The following PLCB4 variants were observed in gnomAD, a reference collection of about 807,000 sequenced individuals.
PLCB4 encodes the protein 1-phosphatidylinositol 4,5-bisphosphate phosphodiesterase beta-4.
In PLCB4, 77 loss-of-function variants were observed where a neutral mutation model predicts 178.8. That is an observed-to-expected ratio of 0.43 (90% CI 0.36 to 0.52). The LOEUF is 0.52. Ranked by LOEUF, PLCB4 falls within the 20% of genes least tolerant of loss-of-function variation. The pLI is 0.00. For synonymous variants in PLCB4, 496 were observed against 490.8 expected (o/e 1.01, Z -0.14); for missense variants, 1,024 against 1,453.4 (o/e 0.70, Z 4.80).
chr20:9,152,637 C>T (rs529260419), intron 2 of PLCB4, among the ~76,000 whole-genome samples: 34 of 152,226 alleles, frequency 2.2e-4, no homozygotes, highest in East Asian at 7.7e-4. Context: ...GCTGCAGGGG[C>T]GGGGAACTTC....
Position 9,264,742 on chromosome 20 carries a change from A to T in PLCB4, c.-15-43058A>T, listed in dbSNP as rs372508543. On this transcript the variant is annotated intron_variant, in intron 3 of 39. Transcript: ENST00000378473. ...TTTCTCAACCTGAGCTGCATATTGG[A>T]ATCACCTGGGGAGCTTTGACAACTA... Among the ~76,000 whole-genome samples the T allele has an allele frequency of 1.1e-4, 17 of 152,288 alleles. No individual in the cohort carries two copies. In the South Asian group the frequency reaches 3.5e-3, roughly 32 times the overall value.
intron 2 of PLCB4, among the ~76,000 whole-genome samples, chr20:9,191,145 T>A (rs1178323830): frequency 6.6e-6 from 1 of 152,102 alleles, no homozygotes; most frequent in Non-Finnish European, 1.5e-5. Context: ...AACATGAACC[T>A]TAGGAAGTAT....
intron 35 of PLCB4, among the ~76,000 whole-genome samples, chr20:9,465,386 C>T (rs955368448): frequency 6.6e-6 from 1 of 152,204 alleles, no homozygotes; most frequent in Non-Finnish European, 1.5e-5. Context: ...GACAAGGATG[C>T]CCTCTGTCAC....
chr20:9,187,222 G>T (rs937667182), intron 2 of PLCB4, among the ~76,000 whole-genome samples: 1 of 151,768 alleles, frequency 6.6e-6, no homozygotes, highest in African/African-American at 2.4e-5. Context: ...TGATCTGTCC[G>T]CCTCGGCCTC....
intron 2 of PLCB4, among the ~76,000 whole-genome samples, chr20:9,214,715 A>G (rs895120821): frequency 1.3e-5 from 2 of 152,194 alleles, no homozygotes; most frequent in Non-Finnish European, 2.9e-5. Flanking sequence ...TGGAGTCTTC[A>G]TTCACATATT....
chr20:9,105,686 T>C (rs2091336192), intron 2 of PLCB4, among the ~76,000 whole-genome samples: 1 of 152,096 alleles, frequency 6.6e-6, no homozygotes, highest in East Asian at 1.9e-4. Context: ...TATGATAAGA[T>C]TGGTGTTTCA....
At chr20:9,321,240 A>G (rs933246452) in intron 4 of PLCB4, among the ~76,000 whole-genome samples, 2 of 152,198 alleles carry the variant, frequency 1.3e-5, no homozygotes, top group African/African-American at 4.8e-5. Context: ...AGCTTAGGTC[A>G]CTTAAGAATT....
intron 4 of PLCB4, among the ~76,000 whole-genome samples, chr20:9,312,102 G>A (rs1334859445): frequency 2.0e-5 from 3 of 151,930 alleles, no homozygotes; most frequent in African/African-American, 4.8e-5. Context: ...AGTGCATTCC[G>A]TTGGAATCTC....
chr20:9,354,003 G>A (rs2034567375), intron 7 of PLCB4, among the ~76,000 whole-genome samples: 1 of 152,178 alleles, frequency 6.6e-6, no homozygotes, highest in Non-Finnish European at 1.5e-5. Context: ...ACTATCTCAA[G>A]CAGGAGGAGC....
Position 9,408,644 on chromosome 20 carries a change from C to T in PLCB4, c.1801C>T (p.His601Tyr), listed in dbSNP as rs750913879. ...GFHVAEERNI[H>Y]YNMSSFNESV... ...CTTTTCTTTTACAGAACGCAATATT[C>T]ATTATAACATGTCTTCTTTTAATGA... The change falls in exon 23 of 40, where the codon CAT becomes TAT. Residue 601 changes from histidine (H) to tyrosine (Y), a missense_variant. Around this residue, in one of 7 missense-constraint regions of PLCB4, gnomAD observed 263 missense variants for 417.4 expected, o/e 0.63. Coordinates refer to ENST00000378473, the MANE Select transcript of PLCB4 (RefSeq NM_001377142.1). 1.9e-6 allele frequency: 3 copies of T among 1,561,578 alleles called. No individual in the cohort carries two copies. Among genetic ancestry groups the T allele is most frequent in the East Asian group, 4.5e-5 (2 of 44,564 alleles).
intron 32 of PLCB4, among the ~76,000 whole-genome samples, chr20:9,451,493 CAACCATAATGATTTCT>C (rs1303490345): frequency 6.6e-6 from 1 of 152,068 alleles, no homozygotes; most frequent in East Asian, 1.9e-4. Context: ...ATGGGTTAGC[CAACCATAATGATTTCT>C]AAATCTTAGA....
rs59068139 is a variant in PLCB4 at position 9,145,509 on chromosome 20, CT to C, written c.-79+49179del. Among the ~76,000 whole-genome samples the C allele has an allele frequency of 2.9e-3, 410 of 142,254 alleles. 1 individual carries two copies. The highest frequency in any genetic ancestry group is 0.013 in the East Asian group (61 of 4,864). The allele number at this position is 142,254 out of a possible 152,430, so 93.3% of individuals were successfully genotyped here. ...TCCTGCTGATACAATTATCAAAGTTCTTTTTTTTTTTTGGTCTTCTTTCCCC... is the reference window on the plus strand; with the variant it reads ...TCCTGCTGATACAATTATCAAAGTTCTTTTTTTTTTTGGTCTTCTTTCCCC... On this transcript the variant is annotated intron_variant, in intron 2 of 39. Transcript: ENST00000378473.
At chr20:9,371,424 G>A in intron 10 of PLCB4, 129 bp downstream of exon 10, 4 of 464,930 alleles carry the variant, frequency 8.6e-6, no homozygotes, top group Middle Eastern at 4.1e-4. Context: ...GTGACATATA[G>A]TACAGTTAAT....
intron 28 of PLCB4, among the ~76,000 whole-genome samples, chr20:9,431,215 A>T (rs1488263414): frequency 6.6e-6 from 1 of 151,320 alleles, no homozygotes; most frequent in African/African-American, 2.4e-5. Context: ...AAGATGCACC[A>T]CTCCAGTCTC....
chr20:9,178,871 T>A (rs1341412705), intron 2 of PLCB4, among the ~76,000 whole-genome samples: 4 of 152,100 alleles, frequency 2.6e-5, no homozygotes, highest in African/African-American at 7.2e-5. Flanking sequence ...AAAAAGGCAT[T>A]ATAAAACATA....
chr20:9,213,408 C>T (rs1164731036), intron 2 of PLCB4, among the ~76,000 whole-genome samples: 1 of 152,028 alleles, frequency 6.6e-6, no homozygotes, highest in Non-Finnish European at 1.5e-5. Context: ...GCCTCCCAAA[C>T]TGTTGGGATT....
chr20:9,462,978 G>A (rs2043503163), intron 35 of PLCB4, among the ~76,000 whole-genome samples: 1 of 152,142 alleles, frequency 6.6e-6, no homozygotes, highest in African/African-American at 2.4e-5. Context: ...GATTCACCAA[G>A]GTTGAAATGA....
At chr20:9,218,785 T>C (rs1247833209) in intron 3 of PLCB4, among the ~76,000 whole-genome samples, 2 of 152,178 alleles carry the variant, frequency 1.3e-5, no homozygotes, top group Non-Finnish European at 2.9e-5. Context: ...CTATTTTTAG[T>C]CAAGTGCGCT....
intron 3 of PLCB4, among the ~76,000 whole-genome samples, chr20:9,234,483 T>C (rs1220392784): frequency 1.3e-5 from 2 of 151,976 alleles, no homozygotes; most frequent in East Asian, 1.9e-4. Flanking sequence ...TGTGGACAAG[T>C]GGTGGGTGAG....
Sources: gnomAD v4.1 joint callset for allele counts (sites outside exome capture counted in the v4.1 genomes callset) on GRCh38, gnomAD v4.1.1 for gene constraint, gnomAD v4.1.1 regional missense constraint, MANE v1.5 for transcripts, NCBI Gene and HGNC (gene_info 2026-07-23, HGNC 2026-07-21) for gene names.